TTYH2: variants seen among roughly 807,000 people sequenced by gnomAD.
The protein encoded by TTYH2 is tweety family member 2, also known as protein tweety homolog 2.
A neutral mutation model predicts 68.3 loss-of-function variants in TTYH2; 49 were observed. The ratio of observed to expected loss-of-function variants is 0.72; its 90% confidence interval spans 0.57 to 0.91. The LOEUF (loss-of-function observed/expected upper bound fraction) is 0.91. Ranked by LOEUF, TTYH2 falls within the 40% of genes least tolerant of loss-of-function variation. The pLI is 0.00. For synonymous variants in TTYH2, 272 were observed against 300.8 expected (o/e 0.90, Z 0.99); for missense variants, 631 against 700.4 (o/e 0.90, Z 1.12).
intron 10 of TTYH2, among the ~76,000 whole-genome samples, chr17:74,251,257 CGT>C (rs1411611754): frequency 3.5e-5 from 5 of 142,756 alleles, no homozygotes; most frequent in African/African-American, 5.3e-5. Flanking sequence ...GTGGTGTGTG[CGT>C]GTGTGTGGTG....
chr17:74,234,448 A>G (rs2050422117), intron 3 of TTYH2, among the ~76,000 whole-genome samples: 1 of 152,236 alleles, frequency 6.6e-6, no homozygotes, highest in Admixed American at 6.5e-5. Flanking sequence ...GGGATGGTAT[A>G]GAGAAGTGGG....
intron 4 of TTYH2, among the ~76,000 whole-genome samples, chr17:74,242,103 C>T (rs2050508133): frequency 6.6e-6 from 1 of 152,208 alleles, no homozygotes; most frequent in Non-Finnish European, 1.5e-5. Context: ...TTCCAGCTCC[C>T]TCTACAGATA....
Position 74,234,625 on chromosome 17 carries a change from T to C in TTYH2, c.415-2669T>C, listed in dbSNP as rs76050339. Among the ~76,000 whole-genome samples the C allele has an allele frequency of 8.5e-5, 13 of 152,292 alleles. 1 individual carries two copies. The East Asian group carries it at 2.3e-3, about 27-fold the overall frequency. On this transcript the variant is annotated intron_variant, in intron 3 of 13. Transcript: ENST00000269346. Reference sequence around the variant, plus strand: ...AAATATCAGGAAGAAAGAGAAGGCATGACAAATACAAATACTGCCTTCTTT... The same window carrying C: ...AAATATCAGGAAGAAAGAGAAGGCACGACAAATACAAATACTGCCTTCTTT...
chr17:74,246,895 C>A (rs2050563665), intron 6 of TTYH2, among the ~76,000 whole-genome samples: 1 of 152,016 alleles, frequency 6.6e-6, no homozygotes. Context: ...TTAAAACCAT[C>A]AGATCTGCCA....
At position 74,215,169 on chromosome 17, in the gene TTYH2, C is replaced by T. The variant is rs996932198; in HGVS notation, c.129+1453C>T. On this transcript the variant is annotated intron_variant, in intron 1 of 13. Coordinates refer to ENST00000269346, the MANE Select transcript of TTYH2 (RefSeq NM_032646.6). This position sits in a 1 kb window ranked among gnomAD's most constrained non-coding sequence, Gnocchi z 4.3. ...GAGGCGGATATGATTTCAGAAACAG[C>T]CGTGTGTGTGTGTGTGTGTGTGTGT... Among the ~76,000 whole-genome samples, 1 of 114,814 alleles carries T rather than the reference C, an allele frequency of 8.7e-6. No individual in the cohort carries two copies. The highest frequency in any genetic ancestry group is 5.1e-5 in the African/African-American group (1 of 19,672). The allele number at this position is 114,814 out of a possible 152,430, so 75.3% of individuals were successfully genotyped here.
chr17:74,219,195 G>A (rs1158811554), intron 1 of TTYH2, among the ~76,000 whole-genome samples: 1 of 146,440 alleles, frequency 6.8e-6, no homozygotes, highest in Non-Finnish European at 1.5e-5. Context: ...CCAGCCTGGT[G>A]AGAGAGCAAG....
chr17:74,216,453 G>C (rs2050222786), intron 1 of TTYH2, among the ~76,000 whole-genome samples: 1 of 152,184 alleles, frequency 6.6e-6, no homozygotes, highest in Admixed American at 6.5e-5. Flanking sequence ...AGATGGTGAA[G>C]AGCAGGTCAC....
intron 11 of TTYH2, 52 bp from the exon 12 acceptor site, chr17:74,253,029 T>G (rs1598233493): frequency 1.3e-6 from 2 of 1,597,636 alleles, no homozygotes; most frequent in East Asian, 4.5e-5. Context: ...CCTGGCTGCC[T>G]CGGAGCCTCC....
rs779479720 is a variant in TTYH2, at chr17:74,222,596, A to C, written c.241A>C (p.Thr81Pro). Reference protein sequence around the residue: ...CHCRRDDAVQTKQHHSCCITW... With the variant: ...CHCRRDDAVQPKQHHSCCITW... ...CTGCCGGCGGGACGATGCGGTGCAG[A>C]CCAAGCAGCACCACTCCTGCTGCAT... Residue 81 changes from threonine to proline, a missense_variant, in exon 2 of 14, where the codon ACC becomes CCC. Coordinates refer to ENST00000269346, the MANE Select transcript of TTYH2 (RefSeq NM_032646.6). The surrounding 1 kb of genome is among the most constrained non-coding windows in gnomAD (Gnocchi z 5.2). 2 of 1,612,078 alleles carry C rather than the reference A, an allele frequency of 1.2e-6. No individual in the cohort carries two copies. Among genetic ancestry groups the C allele is most frequent in the Non-Finnish European group, 8.5e-7 (1 of 1,179,966 alleles).
At position 74,232,721 on chromosome 17, in the gene TTYH2, G is replaced by A. The variant is rs529986326; in HGVS notation, c.414+1722G>A. 6.6e-6 allele frequency among the ~76,000 whole-genome samples: 1 copy of A among 152,164 alleles called. No homozygotes were observed. The highest frequency in any genetic ancestry group is 1.5e-5 in the Non-Finnish European group (1 of 68,012). On this transcript the variant is annotated intron_variant, in intron 3 of 13. Coordinates refer to ENST00000269346, the MANE Select transcript of TTYH2 (RefSeq NM_032646.6). The surrounding 1 kb of genome is among the most constrained non-coding windows in gnomAD (Gnocchi z 5.1). ...ATCACTGGAGGAGGAACCTAGCCCC[G>A]AGAGGAAAATCCCCTGCCCTGCCCA... is the stretch of plus-strand genomic sequence containing the variant.
chr17:74,254,183 A>AT (rs1302806099), intron 13 of TTYH2, among the ~76,000 whole-genome samples: 1 of 55,450 alleles, frequency 1.8e-5, no homozygotes, highest in African/African-American at 9.1e-5. Flanking sequence ...TTATTTATTT[A>AT]TTTATTTTTT....
chr17:74,256,774 A>C (rs2050697242), intron 13 of TTYH2: 1 of 152,156 alleles, frequency 6.6e-6, no homozygotes, highest in African/African-American at 2.4e-5. Context: ...TCAGCCTCCC[A>C]AGTACTTGGG....
In TTYH2 at chr17:74,241,814, C is replaced by A. The variant is rs1317138739; in HGVS notation, c.636-1560C>A. 1.3e-5 allele frequency among the ~76,000 whole-genome samples: 2 copies of A among 152,204 alleles called. No individual in the cohort carries two copies. The highest frequency in any genetic ancestry group is 2.9e-5 in the Non-Finnish European group (2 of 68,042). ...TGTGCCCGCCCCTCCTCTGTCCACT[C>A]TCCCGCTGGTGCCCAGCACAGGGTA... is the stretch of plus-strand genomic sequence containing the variant. On this transcript the variant is annotated intron_variant, in intron 4 of 13. Transcript: ENST00000269346. This position sits in a 1 kb window ranked among gnomAD's most constrained non-coding sequence, Gnocchi z 4.1.
At position 74,232,564 on chromosome 17, in the gene TTYH2, ACT is replaced by A. The variant is rs2050400951; in HGVS notation, c.414+1569_414+1570del. On this transcript the variant is annotated intron_variant, in intron 3 of 13. Transcript: ENST00000269346. The surrounding 1 kb of genome is among the most constrained non-coding windows in gnomAD (Gnocchi z 5.1). ...CAGAGGTGTGGCCTGCCTGGGGAGAACTCTCCCTCTGGGCACCCACCCTTGCC... is the reference window on the plus strand; with the variant it reads ...CAGAGGTGTGGCCTGCCTGGGGAGAACTCCCTCTGGGCACCCACCCTTGCC... Among the ~76,000 whole-genome samples the A allele has an allele frequency of 6.6e-6, 1 of 151,622 alleles. No homozygotes were observed. Among genetic ancestry groups the A allele is most frequent in the South Asian group, 2.1e-4 (1 of 4,816 alleles).
At chr17:74,249,124 C>A in intron 7 of TTYH2, 44 bp downstream of exon 7, 1 of 1,611,724 alleles carries the variant, frequency 6.2e-7, no homozygotes, top group Non-Finnish European at 8.5e-7. Context: ...GCATAGGTGG[C>A]CGGACTCTGT....
rs775467580 is a variant in TTYH2, at chr17:74,250,076, G to A, written c.1023+48G>A. ...GGGGAGCCCCAGATGAACCCTGACAGCCCTTTCCCCTGCCCCGGCCCCAGG... is the reference window on the plus strand; with the variant it reads ...GGGGAGCCCCAGATGAACCCTGACAACCCTTTCCCCTGCCCCGGCCCCAGG... On this transcript the variant is annotated intron_variant, in intron 9 of 13. Transcript: ENST00000269346. 5.0e-6 allele frequency: 8 copies of A among 1,599,174 alleles called. No individual in the cohort carries two copies. The South Asian group carries it at 8.8e-5, about 18-fold the overall frequency.
chr17:74,253,259 G>A lies in TTYH2; in HGVS notation c.1438G>A (p.Glu480Lys), dbSNP rs144321500. 1.2e-4 allele frequency: 192 copies of A among 1,599,236 alleles called. No individual in the cohort carries two copies. Among genetic ancestry groups the A allele is most frequent in the Non-Finnish European group, 1.5e-4 (178 of 1,173,944 alleles). ...GACCATCTCCAACGCCCCTGTCTCC[G>A]AGTACATGTACGGCCTGCACACACA... ...AQTISNAPVS[E>K]YMNQAMLFGR... is the part of the protein sequence containing the mutation. Residue 480 changes from glutamate to lysine, a missense_variant, in exon 12 of 14, where the codon GAG becomes AAG. Transcript: ENST00000269346.
intron 4 of TTYH2, among the ~76,000 whole-genome samples, 195 bp from the exon 5 acceptor site, chr17:74,243,179 G>A (rs7223726): frequency 0.018 from 2,743 of 152,238 alleles, 92 homozygotes; most frequent in African/African-American, 0.061. Flanking sequence ...TGAATTGACA[G>A]CTTTGTCCAG....
At chr17:74,248,572 T>C (rs545052571) in intron 6 of TTYH2, 1 of 1,028,706 alleles carries the variant, frequency 9.7e-7, no homozygotes, top group African/African-American at 1.7e-5. Context: ...CACTTGATCA[T>C]AGCAAGACAA....
Sources: gnomAD v4.1 joint callset for allele counts (sites outside exome capture counted in the v4.1 genomes callset) on GRCh38, gnomAD v4.1.1 for gene constraint, Gnocchi (gnomAD v3.1) non-coding constraint, MANE v1.5 for transcripts, NCBI Gene and HGNC (gene_info 2026-07-23, HGNC 2026-07-21) for gene names.